Variants in LTBP1 observed in about 807,000 individuals in gnomAD.
LTBP1 encodes latent transforming growth factor beta binding protein 1.
In LTBP1, 129 loss-of-function variants were observed where a neutral mutation model predicts 207.6. That is an observed-to-expected ratio of 0.62 (90% confidence interval 0.54 to 0.72). The LOEUF is 0.72. Ranked by LOEUF, LTBP1 falls within the 30% of genes least tolerant of loss-of-function variation. The pLI, the probability that LTBP1 is intolerant of heterozygous loss-of-function variation, is 0.00. For synonymous variants in LTBP1, 963 were observed against 833.7 expected (o/e 1.16, Z -2.67); for missense variants, 2,281 against 2,217.2 (o/e 1.03, Z -0.58).
At chr2:33,026,346 C>T (rs2075413289) in intron 3 of LTBP1, among the ~76,000 whole-genome samples, 1 of 152,150 alleles carries the variant, frequency 6.6e-6, no homozygotes, top group Non-Finnish European at 1.5e-5. Context: ...TCTTTGATCT[C>T]TTTGTCCACA....
chr2:33,398,330 A>G (rs757327924), intron 33 of LTBP1, 34 bp from the exon 34 acceptor site: 6 of 1,599,044 alleles, frequency 3.8e-6, no homozygotes, highest in South Asian at 1.1e-5. Flanking sequence ...ATAATATCCA[A>G]GATTGTTTAC....
intron 3 of LTBP1, among the ~76,000 whole-genome samples, chr2:33,059,348 G>GA (rs1270781215): frequency 9.9e-5 from 15 of 152,194 alleles, no homozygotes; most frequent in Admixed American, 9.8e-4. Flanking sequence ...GGGAGAAAAA[G>GA]AAGAGATATT....
At chr2:32,958,949 A>G (rs566980829) in intron 2 of LTBP1, among the ~76,000 whole-genome samples, 3 of 152,240 alleles carry the variant, frequency 2.0e-5, no homozygotes, top group Non-Finnish European at 2.9e-5. Flanking sequence ...ATCATCTGAT[A>G]GAGATTTGGG....
chr2:33,202,215 T>G (rs1302920521), intron 7 of LTBP1, among the ~76,000 whole-genome samples: 2 of 152,190 alleles, frequency 1.3e-5, no homozygotes, highest in South Asian at 2.1e-4. Context: ...TTAAAAGAGT[T>G]TCAATACTTT....
chr2:33,238,080 A>G (rs2092134102), intron 9 of LTBP1, among the ~76,000 whole-genome samples: 1 of 125,172 alleles, frequency 8.0e-6, no homozygotes, highest in Admixed American at 7.5e-5. Flanking sequence ...TTATTAAATA[A>G]CTTAATAGTC....
In LTBP1 at chr2:33,088,224, C is replaced by T. The variant is rs572559889; in HGVS notation, c.864-22358C>T. 3.4e-3 allele frequency among the ~76,000 whole-genome samples: 512 copies of T among 152,260 alleles called. 3 individuals are homozygous for T. The highest frequency in any genetic ancestry group is 0.011 in the African/African-American group (466 of 41,540). The stretch of plus-strand genomic sequence containing the variant: ...ATCCCAGCACTTTGGGAGGCCAAGG[C>T]GGGTGGATCACGAGGTTGGAAGTTC... On this transcript the variant is annotated intron_variant, in intron 3 of 33. Transcript: ENST00000404816.
intron 22 of LTBP1, among the ~76,000 whole-genome samples, chr2:33,303,314 C>T (rs573634785): frequency 4.6e-5 from 7 of 151,172 alleles, no homozygotes; most frequent in Admixed American, 4.0e-4. Context: ...CAGGATGAAA[C>T]TGTCCCACCT....
chr2:33,110,477 A>C (rs1572679470), intron 3 of LTBP1, 105 bp from the exon 4 acceptor site: 1 of 1,030,058 alleles, frequency 9.7e-7, no homozygotes, highest in Non-Finnish European at 1.4e-6. Context: ...CTTGCTTGGA[A>C]TTGATGCTCC....
At chr2:33,064,329 G>A (rs1310234434) in intron 3 of LTBP1, among the ~76,000 whole-genome samples, 1 of 152,188 alleles carries the variant, frequency 6.6e-6, no homozygotes, top group East Asian at 1.9e-4. Context: ...AACTGTGAAA[G>A]GTTTGAGATT....
chr2:33,040,700 T>C (rs2076142007), intron 3 of LTBP1, among the ~76,000 whole-genome samples: 1 of 152,192 alleles, frequency 6.6e-6, no homozygotes, highest in South Asian at 2.1e-4. Context: ...TTTGCATGCA[T>C]TACTTGTGAC....
In LTBP1 at chr2:33,019,328, C is replaced by CTTT. The variant is rs58570641; in HGVS notation, c.566-1557_566-1555dup. Among the ~76,000 whole-genome samples the CTTT allele has an allele frequency of 1.7e-3, 146 of 87,710 alleles. 10 individuals carry two copies. The highest frequency in any genetic ancestry group is 5.3e-3 in the East Asian group (13 of 2,472). 57.5% of individuals were successfully genotyped at this position (87,710 alleles called of 152,430 possible). ...ACTTAAGTCAGTAGCATGTACACTT[C>CTTT]TTTTTTTTTTTTTTTTTTTTTTTTT... is the stretch of plus-strand genomic sequence containing the variant. On this transcript the variant is annotated intron_variant, in intron 2 of 33. Transcript: ENST00000404816.
intron 7 of LTBP1, among the ~76,000 whole-genome samples, chr2:33,196,532 GA>G (rs2088590360): frequency 6.6e-6 from 1 of 151,608 alleles, no homozygotes. Flanking sequence ...AAGTCAAGTT[GA>G]AAAAAAAGGA....
At chr2:33,172,325 G>C (rs373946576) in intron 5 of LTBP1, among the ~76,000 whole-genome samples, 1 of 151,544 alleles carries the variant, frequency 6.6e-6, no homozygotes, top group South Asian at 2.1e-4. Flanking sequence ...CAAGCAAATG[G>C]AAAACAAAAA....
chr2:33,106,422 G>A, intron 3 of LTBP1, among the ~76,000 whole-genome samples: 1 of 152,176 alleles, frequency 6.6e-6, no homozygotes, highest in East Asian at 1.9e-4. Context: ...ATGGCAGCTG[G>A]AGCCTTAAGC....
rs137920758 is a variant in LTBP1, at chr2:33,098,811, T to G, written c.864-11771T>G. Among the ~76,000 whole-genome samples the G allele has an allele frequency of 1.9e-3, 287 of 152,292 alleles. 2 individuals are homozygous for G. Among genetic ancestry groups the G allele is most frequent in the African/African-American group, 6.5e-3 (270 of 41,556 alleles). ...CAAACTTGCATTATTTGCTTAGAAATTCCAATGCAAAGTAGGGCAACTAGC... is the reference window on the plus strand; with the variant it reads ...CAAACTTGCATTATTTGCTTAGAAAGTCCAATGCAAAGTAGGGCAACTAGC... On this transcript the variant is annotated intron_variant, in intron 3 of 33. Transcript: ENST00000404816.
At position 33,059,310 on chromosome 2, in the gene LTBP1, C is replaced by G. The variant is rs971651304; in HGVS notation, c.863+38104C>G. On this transcript the variant is annotated intron_variant, in intron 3 of 33. Transcript: ENST00000404816. ...ATTAGTTTTAATGTACTTGGGTAGT[C>G]AAGCGTACAGTGCTTTGAAGCCACT... is the stretch of plus-strand genomic sequence containing the variant. Among the ~76,000 whole-genome samples the G allele has an allele frequency of 2.0e-5, 3 of 152,120 alleles. No homozygotes were observed. In the South Asian group the frequency reaches 6.2e-4, roughly 32 times the overall value.
intron 2 of LTBP1, among the ~76,000 whole-genome samples, chr2:33,014,357 C>T (rs937793149): frequency 6.6e-6 from 1 of 152,036 alleles, no homozygotes. Context: ...AAGGAGCAAG[C>T]AGACAGAGTA....
intron 5 of LTBP1, among the ~76,000 whole-genome samples, chr2:33,178,112 G>T (rs570234442): frequency 6.6e-6 from 1 of 152,298 alleles, no homozygotes; most frequent in African/African-American, 2.4e-5. Context: ...TCTACATAGT[G>T]ATTTTGAAGT....
At chr2:33,270,056 A>G (rs1179356157) in intron 15 of LTBP1, among the ~76,000 whole-genome samples, 1 of 149,694 alleles carries the variant, frequency 6.7e-6, no homozygotes, top group African/African-American at 2.5e-5. Flanking sequence ...AGCTGGGACT[A>G]CAGGTGCCCA....
Sources: allele counts gnomAD v4.1 joint callset (sites outside exome capture counted in the v4.1 genomes callset), GRCh38; gene constraint gnomAD v4.1.1; transcripts MANE v1.5; gene names NCBI Gene and HGNC (gene_info 2026-07-23, HGNC 2026-07-21).